CDH2: variants seen among roughly 807,000 people sequenced by gnomAD.
CDH2 encodes the protein cadherin-2.
A neutral mutation model predicts 92.0 loss-of-function variants in CDH2; 17 were observed. The ratio of observed to expected loss-of-function variants is 0.18; its 90% CI spans 0.13 to 0.28. CDH2 has a LOEUF of 0.28. CDH2 is among the 10% of genes least tolerant of loss of function. CDH2 has a pLI of 1.00. For missense variants in CDH2, 862 were observed against 1,133.1 expected (o/e 0.76, Z 3.44); for synonymous variants, 419 against 415.9 (o/e 1.01, Z -0.09).
chr18:28,084,248 A>G (rs1468675570), intron 2 of CDH2, among the ~76,000 whole-genome samples: 1 of 152,168 alleles, frequency 6.6e-6, no homozygotes, highest in East Asian at 1.9e-4. Context: ...CTGAGGAAAA[A>G]TCCAACAGGG....
chr18:28,018,177 A>G (rs1164460672), intron 2 of CDH2, among the ~76,000 whole-genome samples: 1 of 151,270 alleles, frequency 6.6e-6, no homozygotes. Flanking sequence ...AAAAAAAAAA[A>G]GGAGGCAACA....
At chr18:27,962,791 C>T (rs1305316481) in intron 15 of CDH2, among the ~76,000 whole-genome samples, 1 of 152,176 alleles carries the variant, frequency 6.6e-6, no homozygotes, top group Non-Finnish European at 1.5e-5. Flanking sequence ...AAAATCATAT[C>T]TGTTATATGC....
At chr18:28,015,272 A>G (rs1255769592) in intron 2 of CDH2, among the ~76,000 whole-genome samples, 2 of 152,204 alleles carry the variant, frequency 1.3e-5, no homozygotes, top group East Asian at 3.8e-4. Flanking sequence ...TACTGAATAT[A>G]TTATTTTCCA....
chr18:27,955,624 AAATAT>A (rs2011225910), intron 15 of CDH2, among the ~76,000 whole-genome samples: 1 of 151,938 alleles, frequency 6.6e-6, no homozygotes, highest in Non-Finnish European at 1.5e-5. Context: ...TCCTTAAAAT[AAATAT>A]AATGCTTGTG....
intron 14 of CDH2, among the ~76,000 whole-genome samples, chr18:27,970,965 C>T (rs1567943089): frequency 6.6e-6 from 1 of 152,168 alleles, no homozygotes. Context: ...AGGCTGGGCG[C>T]GGTGGCTTAC....
intron 2 of CDH2, among the ~76,000 whole-genome samples, chr18:28,038,403 A>T (rs1449867573): frequency 6.6e-6 from 1 of 150,756 alleles, no homozygotes; most frequent in Non-Finnish European, 1.5e-5. Context: ...AGCCTGGGTG[A>T]CAGTGAGACC....
chr18:28,174,472 T>G (rs1037113441), intron 1 of CDH2, among the ~76,000 whole-genome samples: 1 of 152,204 alleles, frequency 6.6e-6, no homozygotes, highest in Non-Finnish European at 1.5e-5. Flanking sequence ...TCATTCAATG[T>G]TACTGCTTGA....
intron 1 of CDH2, among the ~76,000 whole-genome samples, chr18:28,171,867 C>G (rs1295154082): frequency 3.3e-5 from 5 of 152,068 alleles, no homozygotes; most frequent in African/African-American, 9.7e-5. Flanking sequence ...AAATCAGAAC[C>G]CCATGCTTCC....
At chr18:28,163,910 G>A (rs1242016988) in intron 1 of CDH2, among the ~76,000 whole-genome samples, 3 of 152,320 alleles carry the variant, frequency 2.0e-5, no homozygotes, top group African/African-American at 7.2e-5. Context: ...CTGCCAGATA[G>A]TAGTTAACTC....
intron 2 of CDH2, among the ~76,000 whole-genome samples, chr18:28,023,697 A>C (rs1157041439): frequency 6.6e-6 from 1 of 152,150 alleles, no homozygotes; most frequent in Admixed American, 6.5e-5. Context: ...GTTTGTTTTG[A>C]TTTGCTCAGA....
intron 2 of CDH2, among the ~76,000 whole-genome samples, chr18:28,120,785 C>A (rs2015574658): frequency 1.3e-5 from 2 of 152,104 alleles, no homozygotes; most frequent in Admixed American, 6.6e-5. Flanking sequence ...CACTCAGTCA[C>A]AACACACATG....
chr18:28,054,508 G>T (rs1042441836), intron 2 of CDH2, among the ~76,000 whole-genome samples: 17 of 152,120 alleles, frequency 1.1e-4, no homozygotes, highest in Non-Finnish European at 1.5e-5. Context: ...GAAATCAAAA[G>T]AACTTCCTTG....
chr18:27,989,116 T>C (rs1024581006), intron 10 of CDH2, among the ~76,000 whole-genome samples: 2 of 152,222 alleles, frequency 1.3e-5, no homozygotes, highest in African/African-American at 4.8e-5. Context: ...CACTTTATCA[T>C]GGCCAACATG....
At chr18:28,131,707 T>TGTGTGTGTGTGTGTGG (rs777344485) in intron 2 of CDH2, among the ~76,000 whole-genome samples, 2 of 151,806 alleles carry the variant, frequency 1.3e-5, no homozygotes, top group African/African-American at 4.8e-5. Context: ...TGTGTGTGTG[T>TGTGTGTGTGTGTGTGG]GGCCTGAAAT....
intron 15 of CDH2, among the ~76,000 whole-genome samples, chr18:27,960,997 C>T (rs1204000915): frequency 1.3e-5 from 2 of 150,046 alleles, no homozygotes; most frequent in African/African-American, 4.9e-5. Context: ...TAGATGTCTA[C>T]TGAAGAAGAG....
chr18:28,008,003 G>C lies in CDH2; in HGVS notation c.702+1714C>G, dbSNP rs190060953. Reference sequence around the variant, plus strand: ...CCAGCCTTGGCCTCCCAAATTGCTAGGATTCCGGGCGTGAGCCACCACACC... The same window carrying C: ...CCAGCCTTGGCCTCCCAAATTGCTACGATTCCGGGCGTGAGCCACCACACC... On this transcript the variant is annotated intron_variant, in intron 5 of 15. Coordinates refer to ENST00000269141, the MANE Select transcript of CDH2 (RefSeq NM_001792.5). Among the ~76,000 whole-genome samples, 300 of 152,222 alleles carry C rather than the reference G, an allele frequency of 2.0e-3. 5 individuals carry two copies. The highest frequency in any genetic ancestry group is 7.0e-3 in the African/African-American group (289 of 41,544).
At chr18:28,054,986 G>A (rs902135662) in intron 2 of CDH2, among the ~76,000 whole-genome samples, 1 of 152,114 alleles carries the variant, frequency 6.6e-6, no homozygotes, top group Non-Finnish European at 1.5e-5. Flanking sequence ...TCTCTATACT[G>A]AGAAGACAGA....
At chr18:28,006,030 T>G (rs757960974) in intron 5 of CDH2, 37 bp from the exon 6 acceptor site, 9 of 1,533,090 alleles carry the variant, frequency 5.9e-6, no homozygotes, top group Non-Finnish European at 8.1e-6. Flanking sequence ...TTTAACAGAT[T>G]TATGTCTGTG....
At position 27,988,516 on chromosome 18, in the gene CDH2, G is replaced by C. The variant is rs199889683; in HGVS notation, c.1741+8C>G. ...TCATCAACATACAAGAAAAAACAGC[G>C]AACATACCATTGTCAGAAGCAAGGA... On this transcript the variant is annotated splice_region_variant and intron_variant, in intron 11 of 15. Coordinates refer to ENST00000269141, the MANE Select transcript of CDH2 (RefSeq NM_001792.5). 13 of 1,610,422 alleles carry C rather than the reference G, an allele frequency of 8.1e-6. No individual in the cohort carries two copies. Among genetic ancestry groups the C allele is most frequent in the South Asian group, 1.1e-5 (1 of 90,592 alleles).
Sources: gnomAD v4.1 joint callset for allele counts (sites outside exome capture counted in the v4.1 genomes callset) on GRCh38, gnomAD v4.1.1 for gene constraint, MANE v1.5 for transcripts, NCBI Gene and HGNC (gene_info 2026-07-23, HGNC 2026-07-21) for gene names.